The following GXYLT2 variants were observed in gnomAD, a reference collection of about 807,000 sequenced individuals.
GXYLT2 encodes glycosyltransferase 8 domain containing 4.
Under a neutral mutation model 45.8 loss-of-function variants are expected in GXYLT2, and 53 were observed. The ratio of observed to expected loss-of-function variants is 1.16; its 90% CI spans 0.93 to 1.46. GXYLT2 has a LOEUF of 1.46. Ranked by LOEUF, GXYLT2 falls within the 40% of genes most tolerant of loss-of-function variation. The pLI, the probability that GXYLT2 is intolerant of heterozygous loss-of-function variation, is 0.00. For missense variants in GXYLT2, 551 were observed against 544.4 expected (o/e 1.01, Z -0.12); for synonymous variants, 219 against 214.2 (o/e 1.02, Z -0.19).
At chr3:72,914,028 G>A (rs1267184942) in intron 2 of GXYLT2, among the ~76,000 whole-genome samples, 1 of 152,142 alleles carries the variant, frequency 6.6e-6, no homozygotes, top group Admixed American at 6.5e-5. Context: ...ACATGCTGAA[G>A]GGGTGGGCTC....
Position 72,892,167 on chromosome 3 carries a change from C to T in GXYLT2, c.275+3659C>T, listed in dbSNP as rs568967689. 2.1e-4 allele frequency among the ~76,000 whole-genome samples: 32 copies of T among 152,316 alleles called. No individual in the cohort carries two copies. The South Asian group carries it at 6.6e-3, about 32-fold the overall frequency. On this transcript the variant is annotated intron_variant, in intron 1 of 6. Coordinates refer to ENST00000389617, the MANE Select transcript of GXYLT2 (RefSeq NM_001080393.2). The stretch of plus-strand genomic sequence containing the variant: ...ATCCAAAAGTTGTCTAAGATATCTT[C>T]CAGCTCAGACATTTGATGATCCTAT...
chr3:72,922,437 G>T, intron 3 of GXYLT2, 102 bp downstream of exon 3: 1 of 1,173,446 alleles, frequency 8.5e-7, no homozygotes, highest in Non-Finnish European at 1.2e-6. Flanking sequence ...CTGAAAACCT[G>T]TGTCTCTTGG....
At chr3:72,889,969 G>A (rs1169912237) in intron 1 of GXYLT2, among the ~76,000 whole-genome samples, 2 of 146,358 alleles carry the variant, frequency 1.4e-5, no homozygotes, top group Non-Finnish European at 3.0e-5. Flanking sequence ...GCCGTGCTGC[G>A]ATCTCTGCTC....
At chr3:72,947,742 A>C (rs1344680291) in intron 3 of GXYLT2, among the ~76,000 whole-genome samples, 1 of 152,154 alleles carries the variant, frequency 6.6e-6, no homozygotes, top group Non-Finnish European at 1.5e-5. Flanking sequence ...CGGAGGTTGC[A>C]GTGAGCCAAG....
At chr3:72,902,444 G>A (rs1201138067) in intron 1 of GXYLT2, among the ~76,000 whole-genome samples, 1 of 152,196 alleles carries the variant, frequency 6.6e-6, no homozygotes, top group Middle Eastern at 3.2e-3. Flanking sequence ...ACTGAATGTT[G>A]TCATTTTTAG....
intron 1 of GXYLT2, among the ~76,000 whole-genome samples, chr3:72,901,479 A>T (rs1231477535): frequency 6.7e-6 from 1 of 150,094 alleles, no homozygotes; most frequent in East Asian, 1.9e-4. Flanking sequence ...AAAAAAAAAA[A>T]GTATACTATT....
Position 72,975,398 on chromosome 3 carries a change from A to G in GXYLT2, c.*239A>G, listed in dbSNP as rs1313986302. The G allele has an allele frequency of 1.1e-5, 4 of 354,808 alleles. No individual in the cohort carries two copies. Among genetic ancestry groups the G allele is most frequent in the Non-Finnish European group, 2.0e-5 (4 of 198,848 alleles). 22.0% of individuals were successfully genotyped at this position (354,808 alleles called of 1,614,324 possible). ...AAAAAAAAAGACTATTACTCATTTAACATTGTTTAAGCAGGTTGAGCTAGC... is the reference window on the plus strand; with the variant it reads ...AAAAAAAAAGACTATTACTCATTTAGCATTGTTTAAGCAGGTTGAGCTAGC... On this transcript the variant is annotated 3_prime_UTR_variant, in exon 7 of 7. Coordinates refer to ENST00000389617, the MANE Select transcript of GXYLT2 (RefSeq NM_001080393.2).
intron 6 of GXYLT2, 79 bp from the exon 7 acceptor site, chr3:72,974,898 G>T: frequency 1.9e-6 from 2 of 1,065,594 alleles, no homozygotes; most frequent in Non-Finnish European, 2.8e-6. Flanking sequence ...TAATTCCTGT[G>T]TCATTTCTTA....
chr3:72,928,985 A>G, intron 3 of GXYLT2: 1 of 1,063,538 alleles, frequency 9.4e-7, no homozygotes, highest in Non-Finnish European at 1.4e-6. Flanking sequence ...TACCGCCCCA[A>G]GGCCCGCCGC....
intron 1 of GXYLT2, among the ~76,000 whole-genome samples, chr3:72,907,024 T>C (rs1019852112): frequency 6.6e-6 from 1 of 152,052 alleles, no homozygotes; most frequent in Non-Finnish European, 1.5e-5. Context: ...AAAGATAAGA[T>C]TGGAGACAGG....
rs371588992 is a variant in GXYLT2, at chr3:72,908,408, C to T, written c.317C>T (p.Pro106Leu). The T allele has an allele frequency of 1.9e-6, 3 of 1,613,712 alleles. No homozygotes were observed. The highest frequency in any genetic ancestry group is 2.5e-6 in the Non-Finnish European group (3 of 1,179,822). ...EPRSFQAVLP[P>L]ELWIHLAVVA... ...AGGAGTTTCCAAGCTGTGCTGCCAC[C>T]CGAGCTCTGGATCCACCTGGCTGTG... Residue 106 changes from proline to leucine, a missense_variant, in exon 2 of 7, where the codon CCC (proline) becomes CTC (leucine). Pro to Leu is a moderately conservative substitution (Grantham distance 98). Coordinates refer to ENST00000389617, the MANE Select transcript of GXYLT2 (RefSeq NM_001080393.2).
intron 3 of GXYLT2, among the ~76,000 whole-genome samples, chr3:72,922,944 T>C (rs558680938): frequency 8.9e-4 from 134 of 151,128 alleles, no homozygotes; most frequent in Non-Finnish European, 7.7e-4. Flanking sequence ...CAGGGTGAAA[T>C]CCCATCTCTA....
chr3:72,889,907 G>GT (rs5850087), intron 1 of GXYLT2, among the ~76,000 whole-genome samples: 7,723 of 118,758 alleles, frequency 0.065, 427 homozygotes, highest in African/African-American at 0.16. Context: ...TTTTTTTTTT[G>GT]TTTTTTTTTT....
chr3:72,902,579 G>A (rs532754290), intron 1 of GXYLT2, among the ~76,000 whole-genome samples: 1 of 152,200 alleles, frequency 6.6e-6, no homozygotes, highest in Non-Finnish European at 1.5e-5. Flanking sequence ...GCTCACGCCT[G>A]TAATCCCAAT....
chr3:72,905,266 C>T (rs1255547582), intron 1 of GXYLT2, among the ~76,000 whole-genome samples: 4 of 151,880 alleles, frequency 2.6e-5, no homozygotes, highest in South Asian at 4.2e-4. Context: ...TACAGGCACA[C>T]GCCACCACAA....
In GXYLT2 at chr3:72,968,940, G is replaced by A. The variant is rs146663313; in HGVS notation, c.1149+1221G>A. On this transcript the variant is annotated intron_variant, in intron 6 of 6. Transcript: ENST00000389617. ...TTTTTTTGGTGCTGGGTGTGGTGGC[G>A]AGCGCCTGTAGTCCCAGCTACTCGG... Among the ~76,000 whole-genome samples the A allele has an allele frequency of 1.4e-3, 213 of 151,964 alleles. 4 individuals are homozygous for A. The East Asian group carries it at 0.023, about 16-fold the overall frequency.
intron 3 of GXYLT2, among the ~76,000 whole-genome samples, chr3:72,951,633 C>A (rs1710527376): frequency 6.6e-6 from 1 of 152,132 alleles, no homozygotes. Context: ...GCTGTTTTCT[C>A]ACATTTCTCT....
intron 3 of GXYLT2, among the ~76,000 whole-genome samples, chr3:72,948,621 G>A (rs6794023): frequency 0.22 from 32,699 of 151,860 alleles, 4,263 homozygotes; most frequent in East Asian, 0.37. Flanking sequence ...GGTGGATCAC[G>A]AGGTCATGAG....
intron 1 of GXYLT2, among the ~76,000 whole-genome samples, chr3:72,901,672 T>C (rs62249899): frequency 0.29 from 41,779 of 145,292 alleles, 6,277 homozygotes; most frequent in Non-Finnish European, 0.34. Flanking sequence ...GCAATTCTCC[T>C]GCCTCAGCCA....
Sources: allele counts gnomAD v4.1 joint callset (sites outside exome capture counted in the v4.1 genomes callset), GRCh38; gene constraint gnomAD v4.1.1; transcripts MANE v1.5; gene names NCBI Gene and HGNC (gene_info 2026-07-23, HGNC 2026-07-21).